ADAMTS6: variants seen among roughly 807,000 people sequenced by gnomAD.
ADAMTS6 encodes A disintegrin and metalloproteinase with thrombospondin motifs 6.
Under a neutral mutation model 144.3 loss-of-function variants are expected in ADAMTS6, and 23 were observed. The ratio of observed to expected loss-of-function variants is 0.16; its 90% CI spans 0.11 to 0.23. The LOEUF is 0.23. Ranked by LOEUF, ADAMTS6 falls within the 10% of genes least tolerant of loss-of-function variation. ADAMTS6 has a pLI of 1.00. For missense variants in ADAMTS6, 999 were observed against 1,379.6 expected (o/e 0.72, Z 4.37); for synonymous variants, 444 against 457.5 (o/e 0.97, Z 0.38).
intron 7 of ADAMTS6, among the ~76,000 whole-genome samples, chr5:65,382,880 T>G (rs943318332): frequency 6.6e-6 from 1 of 152,140 alleles, no homozygotes; most frequent in African/African-American, 2.4e-5. Context: ...CAACAGAAAT[T>G]TATTGCTCAC....
chr5:65,328,127 C>A (rs1056299556), intron 9 of ADAMTS6, among the ~76,000 whole-genome samples: 1 of 151,956 alleles, frequency 6.6e-6, no homozygotes, highest in Non-Finnish European at 1.5e-5. Flanking sequence ...TGAATCAAGC[C>A]GGGTTTGAAA....
At position 65,224,195 on chromosome 5, in the gene ADAMTS6, G is replaced by A. The variant is rs1379675867; in HGVS notation, c.2272+125C>T. On this transcript the variant is annotated intron_variant, in intron 18 of 24. Coordinates refer to ENST00000381055, the MANE Select transcript of ADAMTS6 (RefSeq NM_197941.4). ...GTATATGTGTTCTATAAAACTTAGA[G>A]CTTACTTCATTTTAGCATGAAAGTG... 25 of 753,446 alleles carry A rather than the reference G, an allele frequency of 3.3e-5. No individual in the cohort carries two copies. The Admixed American group carries it at 5.1e-4, about 15-fold the overall frequency. 46.7% of individuals were successfully genotyped at this position (753,446 alleles called of 1,614,324 possible).
At chr5:65,322,673 C>G (rs1299468213) in intron 9 of ADAMTS6, among the ~76,000 whole-genome samples, 1 of 149,136 alleles carries the variant, frequency 6.7e-6, no homozygotes, top group Non-Finnish European at 1.5e-5. Flanking sequence ...TGATTTGGCT[C>G]TTGGCTTAAC....
chr5:65,432,318 T>C (rs2150217919), intron 7 of ADAMTS6, among the ~76,000 whole-genome samples: 1 of 152,156 alleles, frequency 6.6e-6, no homozygotes, highest in East Asian at 1.9e-4. Context: ...TCATCAAAGT[T>C]CTACCTCACT....
intron 9 of ADAMTS6, among the ~76,000 whole-genome samples, chr5:65,301,871 CT>C (rs1294627756): frequency 4.0e-5 from 6 of 151,898 alleles, no homozygotes; most frequent in African/African-American, 9.7e-5. Flanking sequence ...GGAGGATCAC[CT>C]GAGGTCAGGA....
chr5:65,180,031 T>G (rs1754246013), intron 22 of ADAMTS6, among the ~76,000 whole-genome samples: 1 of 152,070 alleles, frequency 6.6e-6, no homozygotes, highest in Non-Finnish European at 1.5e-5. Context: ...GATAAATATA[T>G]GCTCTTCTTT....
intron 14 of ADAMTS6, 106 bp downstream of exon 14, chr5:65,260,494 C>T (rs533378370): frequency 1.2e-6 from 1 of 846,758 alleles, no homozygotes; most frequent in Admixed American, 2.5e-5. Context: ...TTAATGTGAC[C>T]TTCACACACA....
At chr5:65,454,015 T>G (rs1758974568) in intron 4 of ADAMTS6, among the ~76,000 whole-genome samples, 1 of 152,156 alleles carries the variant, frequency 6.6e-6, no homozygotes, top group Non-Finnish European at 1.5e-5. Context: ...AAACTTGAAG[T>G]CTCCACCCTC....
intron 7 of ADAMTS6, among the ~76,000 whole-genome samples, chr5:65,377,255 C>T (rs1455255856): frequency 1.3e-5 from 2 of 152,180 alleles, no homozygotes; most frequent in African/African-American, 2.4e-5. Context: ...GGCATTCAAG[C>T]ATATGCCTTT....
chr5:65,160,858 G>T (rs1579919296), intron 24 of ADAMTS6, among the ~76,000 whole-genome samples: 1 of 149,816 alleles, frequency 6.7e-6, no homozygotes, highest in East Asian at 2.0e-4. Flanking sequence ...CTCCATGTTG[G>T]TCAGGCTGGT....
chr5:65,403,762 T>C (rs368891699), intron 7 of ADAMTS6, among the ~76,000 whole-genome samples: 19 of 152,182 alleles, frequency 1.2e-4, no homozygotes, highest in African/African-American at 4.3e-4. Context: ...CCCACACACA[T>C]ATACAAATAA....
At position 65,216,694 on chromosome 5, in the gene ADAMTS6, T is replaced by C. The variant is rs533871031; in HGVS notation, c.2273-1207A>G. On this transcript the variant is annotated intron_variant, in intron 18 of 24. Coordinates refer to ENST00000381055, the MANE Select transcript of ADAMTS6 (RefSeq NM_197941.4). ...GAACTTTTTTTCTCATAATATTGTG[T>C]TGTGAAAAATTTCTAAGCATGACAA... Among the ~76,000 whole-genome samples, 101 of 151,968 alleles carry C rather than the reference T, an allele frequency of 6.6e-4. 1 individual carries two copies. Among genetic ancestry groups the C allele is most frequent in the African/African-American group, 2.2e-3 (92 of 41,442 alleles).
chr5:65,230,195 T>A (rs568813022), intron 15 of ADAMTS6, among the ~76,000 whole-genome samples: 1 of 150,008 alleles, frequency 6.7e-6, no homozygotes, highest in African/African-American at 2.4e-5. Context: ...TGTATATGAT[T>A]GAAGGTAAGT....
At chr5:65,461,693 A>C (rs1031849386) in intron 3 of ADAMTS6, among the ~76,000 whole-genome samples, 1 of 152,222 alleles carries the variant, frequency 6.6e-6, no homozygotes, top group Non-Finnish European at 1.5e-5. Flanking sequence ...AAGTGCCCTC[A>C]GGGGATTGCC....
chr5:65,180,705 A>T (rs896620127), intron 22 of ADAMTS6, among the ~76,000 whole-genome samples: 16 of 102,146 alleles, frequency 1.6e-4, no homozygotes, highest in African/African-American at 4.5e-4. Context: ...ATTTTGATTT[A>T]AAAAAAAAAT....
chr5:65,255,757 A>T (rs1462282301), intron 14 of ADAMTS6, among the ~76,000 whole-genome samples: 1 of 152,166 alleles, frequency 6.6e-6, no homozygotes, highest in African/African-American at 2.4e-5. Context: ...TTAAAAAAAA[A>T]ATCTTACTGA....
At chr5:65,472,964 A>G (rs144252310) in intron 2 of ADAMTS6, among the ~76,000 whole-genome samples, 86 of 152,254 alleles carry the variant, frequency 5.6e-4, no homozygotes, top group African/African-American at 1.9e-3. Flanking sequence ...CAATAATTCT[A>G]TAAGGACTGG....
chr5:65,164,515 G>A (rs1041570852), intron 24 of ADAMTS6, among the ~76,000 whole-genome samples: 1 of 142,166 alleles, frequency 7.0e-6, no homozygotes. Context: ...AGCTCGAACT[G>A]GGTGGAGCCC....
At chr5:65,428,689 A>G (rs1311458110) in intron 7 of ADAMTS6, among the ~76,000 whole-genome samples, 1 of 152,204 alleles carries the variant, frequency 6.6e-6, no homozygotes, top group Admixed American at 6.5e-5. Context: ...CCTGATACAC[A>G]ACAAAGTACC....
Sources: gnomAD v4.1 joint callset for allele counts (sites outside exome capture counted in the v4.1 genomes callset) on GRCh38, gnomAD v4.1.1 for gene constraint, MANE v1.5 for transcripts, NCBI Gene and HGNC (gene_info 2026-07-23, HGNC 2026-07-21) for gene names.